WDPCP: variants seen among roughly 807,000 people sequenced by gnomAD.
WDPCP encodes WD repeat containing planar cell polarity effector.
Under a neutral mutation model 93.1 loss-of-function variants are expected in WDPCP, and 71 were observed. That is an observed-to-expected ratio of 0.76 (90% CI 0.63 to 0.93). The LOEUF is 0.93. WDPCP is among the 40% of genes least tolerant of loss of function. WDPCP has a pLI of 0.00. For synonymous variants in WDPCP, 315 were observed against 315.0 expected, an observed-to-expected ratio of 1.00 and a Z score of 0.00; for missense variants, 844 against 887.4, an observed-to-expected ratio of 0.95 and a Z score of 0.62.
At chr2:63,237,188 T>G (rs1209339384) in intron 14 of WDPCP, among the ~76,000 whole-genome samples, 1 of 151,658 alleles carries the variant, frequency 6.6e-6, no homozygotes, top group Non-Finnish European at 1.5e-5. Context: ...GAAAAGACAC[T>G]ACTCAAAAGA....
chr2:63,406,160 T>G (rs1694568027), intron 9 of WDPCP, among the ~76,000 whole-genome samples: 2 of 152,104 alleles, frequency 1.3e-5, no homozygotes, highest in Admixed American at 1.3e-4. Context: ...GGAGTTGATG[T>G]GACTTAAAAA....
chr2:63,759,931 C>A (rs1670031068), intron 2 of WDPCP, among the ~76,000 whole-genome samples: 1 of 152,114 alleles, frequency 6.6e-6, no homozygotes, highest in Admixed American at 6.5e-5. Flanking sequence ...CTGGTCCCAA[C>A]CCTCCCCAAG....
At chr2:63,417,420 A>G (rs1284286363) in intron 9 of WDPCP, among the ~76,000 whole-genome samples, 2 of 152,106 alleles carry the variant, frequency 1.3e-5, no homozygotes, top group Admixed American at 6.5e-5. Context: ...TTCATCTTTA[A>G]TTTCATAATT....
At chr2:63,663,267 A>G (rs939127848) in intron 2 of WDPCP, among the ~76,000 whole-genome samples, 2 of 152,214 alleles carry the variant, frequency 1.3e-5, no homozygotes, top group Non-Finnish European at 2.9e-5. Context: ...CAGGACGACT[A>G]TTATTTTGGG....
chr2:63,125,117 T>C (rs983826479), intron 17 of WDPCP, among the ~76,000 whole-genome samples: 3 of 152,228 alleles, frequency 2.0e-5, no homozygotes, highest in African/African-American at 7.2e-5. Flanking sequence ...CATATATAGG[T>C]TTCTTTTTCA....
At chr2:63,694,846 C>T (rs1291203595) in intron 2 of WDPCP, among the ~76,000 whole-genome samples, 1 of 152,052 alleles carries the variant, frequency 6.6e-6, no homozygotes, top group Admixed American at 6.6e-5. Flanking sequence ...CACATTTAGC[C>T]TATGAAACCT....
In WDPCP at chr2:63,414,917, C is replaced by G. The variant is rs1054921909; in HGVS notation, c.826-10260G>C. Among the ~76,000 whole-genome samples the G allele has an allele frequency of 3.9e-5, 6 of 152,036 alleles. No homozygotes were observed. The South Asian group carries it at 6.2e-4, about 16-fold the overall frequency. ...AGTAAGACCATGGACTTATGTACCC[C>G]CTTTCCCCAGCTGCCAATCCTAGAT... On this transcript the variant is annotated intron_variant, in intron 9 of 17. Coordinates refer to ENST00000272321, the MANE Select transcript of WDPCP (RefSeq NM_015910.7).
the WDPCP span, among the ~76,000 whole-genome samples, chr2:63,834,725 T>C: frequency 3.9e-5 from 6 of 152,226 alleles, no homozygotes; most frequent in Non-Finnish European, 8.8e-5. Flanking sequence ...GTATGTTCAG[T>C]AGCTGGTTCC....
intron 2 of WDPCP, among the ~76,000 whole-genome samples, chr2:63,667,736 A>G (rs1397547879): frequency 1.4e-5 from 2 of 145,936 alleles, no homozygotes; most frequent in African/African-American, 5.1e-5. Context: ...ATGATATCCC[A>G]GGAGGAAGAG....
intron 14 of WDPCP, among the ~76,000 whole-genome samples, chr2:63,214,863 C>G (rs1677177748): frequency 2.0e-5 from 3 of 152,136 alleles, no homozygotes; most frequent in Admixed American, 6.6e-5. Flanking sequence ...TGAGGGAACT[C>G]CCATTCACAA....
At chr2:63,333,545 C>G (rs1381000104) in intron 12 of WDPCP, among the ~76,000 whole-genome samples, 3 of 152,194 alleles carry the variant, frequency 2.0e-5, no homozygotes, top group African/African-American at 7.2e-5. Context: ...ACTTGGTCAC[C>G]ACAATCCTTT....
intron 14 of WDPCP, among the ~76,000 whole-genome samples, chr2:63,220,003 CA>C (rs981923071): frequency 2.7e-5 from 4 of 146,674 alleles, no homozygotes; most frequent in African/African-American, 7.5e-5. Context: ...CTCTGTCTCC[CA>C]AAAAAAAATA....
intron 2 of WDPCP, among the ~76,000 whole-genome samples, chr2:63,807,565 C>A (rs1182176636): frequency 3.9e-5 from 6 of 152,136 alleles, no homozygotes; most frequent in Non-Finnish European, 8.8e-5. Flanking sequence ...TCAGGTATTT[C>A]TTTATGGCAA....
At chr2:63,764,413 T>C (rs1013431550) in intron 2 of WDPCP, among the ~76,000 whole-genome samples, 4 of 152,166 alleles carry the variant, frequency 2.6e-5, no homozygotes, top group African/African-American at 9.7e-5. Flanking sequence ...GACCTCCAGA[T>C]GGGCAGCAGG....
chr2:63,803,097 A>G (rs1670718465), intron 2 of WDPCP, among the ~76,000 whole-genome samples: 1 of 152,236 alleles, frequency 6.6e-6, no homozygotes, highest in Admixed American at 6.5e-5. Context: ...AGAGGAACAC[A>G]TGCCTGCCCA....
intron 14 of WDPCP, chr2:63,228,671 G>C (rs996397610): frequency 6.6e-6 from 1 of 151,762 alleles, no homozygotes; most frequent in African/African-American, 2.4e-5. Context: ...CTATGAGTGA[G>C]AACATATGGT....
intron 2 of WDPCP, among the ~76,000 whole-genome samples, chr2:63,788,868 G>A (rs1306810099): frequency 2.0e-5 from 3 of 152,076 alleles, no homozygotes; most frequent in African/African-American, 7.2e-5. Flanking sequence ...TCAGACTTCA[G>A]TATCACACAT....
At chr2:63,505,285 T>A (rs931224445) in intron 1 of WDPCP, among the ~76,000 whole-genome samples, 1 of 152,058 alleles carries the variant, frequency 6.6e-6, no homozygotes, top group Non-Finnish European at 1.5e-5. Context: ...AATGGTTGAA[T>A]AGAGAACCAA....
At chr2:63,678,474 G>A (rs866987111) in intron 2 of WDPCP, among the ~76,000 whole-genome samples, 11 of 152,264 alleles carry the variant, frequency 7.2e-5, no homozygotes, top group Middle Eastern at 6.8e-3. Context: ...AAGACAAAAG[G>A]GAATGGGGCA....
Sources: allele counts gnomAD v4.1 joint callset (sites outside exome capture counted in the v4.1 genomes callset), GRCh38; gene constraint gnomAD v4.1.1; transcripts MANE v1.5; gene names NCBI Gene and HGNC (gene_info 2026-07-23, HGNC 2026-07-21).